Variants in MYO5A observed in about 807,000 individuals in gnomAD.
The protein encoded by MYO5A is myosin VA, also known as unconventional myosin-Va.
Under a neutral mutation model 249.7 loss-of-function variants are expected in MYO5A, and 98 were observed. That is an observed-to-expected ratio of 0.39 (90% CI 0.33 to 0.46). The LOEUF (loss-of-function observed/expected upper bound fraction) is 0.46. Among genes scored for constraint, MYO5A ranks in the 20% least tolerant of loss-of-function variants. The pLI is 0.98. For missense variants in MYO5A, 1,696 were observed against 2,308.8 expected, an observed-to-expected ratio of 0.73 and a Z score of 5.44; for synonymous variants, 778 against 810.6, an observed-to-expected ratio of 0.96 and a Z score of 0.68.
At chr15:52,460,300 GGGAGGT>G (rs2076219823) in intron 1 of MYO5A, among the ~76,000 whole-genome samples, 1 of 152,212 alleles carries the variant, frequency 6.6e-6, no homozygotes, top group Admixed American at 6.5e-5. Context: ...GCAGGCGGCT[GGGAGGT>G]GGAGGTTGTA....
At chr15:52,516,360 A>C (rs146392266) in intron 1 of MYO5A, among the ~76,000 whole-genome samples, 2,473 of 152,310 alleles carry the variant, frequency 0.016, 75 homozygotes, top group African/African-American at 0.057. Flanking sequence ...CTGCCATGGA[A>C]CCACACATTT....
At chr15:52,462,425 C>T (rs890372293) in intron 1 of MYO5A, among the ~76,000 whole-genome samples, 1 of 152,020 alleles carries the variant, frequency 6.6e-6, no homozygotes, top group Non-Finnish European at 1.5e-5. Flanking sequence ...AAAAAGATCA[C>T]CGAGAGAAAT....
chr15:52,330,418 T>C lies in MYO5A; in HGVS notation c.4490A>G (p.Asp1497Gly), dbSNP rs2038836171. The change falls in exon 35 of 42, where the codon GAT becomes GGT. Residue 1497 changes from aspartate to glycine, a missense_variant. Physicochemically the swap from Asp to Gly is moderately conservative, Grantham distance 94 (BLOSUM62 -1). Around this residue, in one of 5 missense-constraint regions of MYO5A, gnomAD observed 625 missense variants for 908.1 expected, o/e 0.69. Coordinates refer to ENST00000399233, the MANE Select transcript of MYO5A (RefSeq NM_001382347.1). ...CTTGTATTCCAGCATCCCTTGGAAA[T>C]CCTTTTCTTTCCTGGGAATGTTGAC... ...RPVNIPRKEK[D>G]FQGMLEYKKE... The C allele has an allele frequency of 6.2e-7, 1 of 1,614,032 alleles. No individual in the cohort carries two copies. The highest frequency in any genetic ancestry group is 1.3e-5 in the African/African-American group (1 of 74,918).
chr15:52,366,904 G>C (rs997268598), intron 23 of MYO5A, 127 bp downstream of exon 23: 2 of 844,088 alleles, frequency 2.4e-6, no homozygotes, highest in East Asian at 2.8e-5. Flanking sequence ...TAAATTTGCT[G>C]ATGACAGCCT....
intron 33 of MYO5A, among the ~76,000 whole-genome samples, chr15:52,337,170 A>T (rs1567031093): frequency 6.6e-6 from 1 of 152,246 alleles, no homozygotes; most frequent in Non-Finnish European, 1.5e-5. Flanking sequence ...AAAATCTTGC[A>T]GGTGATATAA....
intron 40 of MYO5A, 85 bp downstream of exon 40, chr15:52,316,963 G>A (rs1450566813): frequency 1.1e-5 from 15 of 1,394,360 alleles, no homozygotes; most frequent in Non-Finnish European, 1.2e-5. Context: ...AGAGATACAA[G>A]CAATAAGTAG....
chr15:52,390,560 C>CTT (rs548075503), intron 12 of MYO5A, among the ~76,000 whole-genome samples: 5,585 of 121,868 alleles, frequency 0.046, 404 homozygotes, highest in African/African-American at 0.15. Context: ...TTTTTTTTTT[C>CTT]TTTTTTTTTT....
chr15:52,393,885 GCT>G (rs1405392802), intron 11 of MYO5A, among the ~76,000 whole-genome samples: 1 of 152,094 alleles, frequency 6.6e-6, no homozygotes, highest in African/African-American at 2.4e-5. Flanking sequence ...AAAACAATGT[GCT>G]CTGTTTTTAA....
At chr15:52,380,078 G>T (rs1278460486) in intron 16 of MYO5A, among the ~76,000 whole-genome samples, 170 bp from the exon 17 acceptor site, 1 of 152,136 alleles carries the variant, frequency 6.6e-6, no homozygotes, top group Non-Finnish European at 1.5e-5. Flanking sequence ...TGAGAGAATG[G>T]GGAGGAGATG....
chr15:52,336,721 C>G (rs1211528796), intron 33 of MYO5A, among the ~76,000 whole-genome samples, 165 bp from the exon 34 acceptor site: 3 of 152,152 alleles, frequency 2.0e-5, no homozygotes, highest in African/African-American at 7.2e-5. Flanking sequence ...GGAAATGCAG[C>G]TACAATAAAA....
At chr15:52,321,918 C>T (rs2038343797) in intron 37 of MYO5A, among the ~76,000 whole-genome samples, 1 of 151,720 alleles carries the variant, frequency 6.6e-6, no homozygotes, top group African/African-American at 2.4e-5. Flanking sequence ...TTAAAAACTA[C>T]ACCCAAAGGA....
At chr15:52,359,931 C>A in intron 25 of MYO5A, 37 bp downstream of exon 25, 1 of 1,419,612 alleles carries the variant, frequency 7.0e-7, no homozygotes, top group South Asian at 1.2e-5. Flanking sequence ...ACAGCATGCT[C>A]ATATCCTACT....
At position 52,391,947 on chromosome 15, in the gene MYO5A, G is replaced by T. The variant is rs1340750291; in HGVS notation, c.1525C>A (p.Leu509Met). ...IESKLGILDL[L>M]DEECKMPKGT... The stretch of plus-strand genomic sequence containing the variant: ...ATACTTACCTTGCATTCCTCATCCA[G>T]TAAATCTAGAATGCCTAGTTTTGAT... The change falls in exon 12 of 42, where the codon CTG becomes ATG. Residue 509 changes from leucine (L) to methionine (M), a missense_variant. Leu to Met is a conservative substitution (Grantham distance 15, BLOSUM62 2). Around this residue, in one of 5 missense-constraint regions of MYO5A, gnomAD observed 277 missense variants for 422.4 expected, o/e 0.66. Coordinates refer to ENST00000399233, the MANE Select transcript of MYO5A (RefSeq NM_001382347.1). 1 of 1,612,846 alleles carries T rather than the reference G, an allele frequency of 6.2e-7. No individual in the cohort carries two copies. Among genetic ancestry groups the T allele is most frequent in the Admixed American group, 1.7e-5 (1 of 59,956 alleles).
chr15:52,471,889 G>C, intron 1 of MYO5A, among the ~76,000 whole-genome samples: 1 of 152,076 alleles, frequency 6.6e-6, no homozygotes, highest in Non-Finnish European at 1.5e-5. Context: ...TGTAGAGTCA[G>C]TGTCTCCCTA....
At chr15:52,436,958 A>G (rs1409105829) in intron 1 of MYO5A, among the ~76,000 whole-genome samples, 2 of 152,226 alleles carry the variant, frequency 1.3e-5, no homozygotes, top group Non-Finnish European at 2.9e-5. Context: ...TGACAACAAT[A>G]GTCTTCTAGT....
chr15:52,516,733 C>T (rs927631704), intron 1 of MYO5A, among the ~76,000 whole-genome samples: 2 of 152,238 alleles, frequency 1.3e-5, no homozygotes, highest in Non-Finnish European at 2.9e-5. Flanking sequence ...CTGAAGGACT[C>T]TCGGGTTCTC....
Position 52,343,447 on chromosome 15 carries a change from C to T in MYO5A, c.3960-250G>A, listed in dbSNP as rs931680114. Among the ~76,000 whole-genome samples, 19 of 152,092 alleles carry T rather than the reference C, an allele frequency of 1.2e-4. 1 individual carries two copies. The highest frequency in any genetic ancestry group is 1.2e-4 in the Non-Finnish European group (8 of 68,012). On this transcript the variant is annotated intron_variant, in intron 30 of 41. Transcript: ENST00000399233. ...CAAGGATGTAGAGCTACTTTACCTG[C>T]AAAATAAGAAATGACTGGAAGGTGA...
intron 1 of MYO5A, among the ~76,000 whole-genome samples, chr15:52,434,229 A>T (rs1595675887): frequency 6.6e-6 from 1 of 151,276 alleles, no homozygotes; most frequent in African/African-American, 2.4e-5. Flanking sequence ...CGAACCCCTG[A>T]CCTCGTGACC....
chr15:52,469,829 G>A (rs1035869955), intron 1 of MYO5A, among the ~76,000 whole-genome samples: 1 of 152,058 alleles, frequency 6.6e-6, no homozygotes, highest in East Asian at 1.9e-4. Flanking sequence ...CTCACAGTCC[G>A]GCACTGGTTC....
Sources: allele counts gnomAD v4.1 joint callset (sites outside exome capture counted in the v4.1 genomes callset), GRCh38; gene constraint gnomAD v4.1.1; regional missense constraint gnomAD v4.1.1; transcripts MANE v1.5; gene names NCBI Gene and HGNC (gene_info 2026-07-23, HGNC 2026-07-21).